Variants in POTEC observed in about 807,000 individuals in gnomAD.
The protein encoded by POTEC is ANKRD26-like family B member 2.
Under a neutral mutation model 62.0 loss-of-function variants are expected in POTEC, and 35 were observed. That is an observed-to-expected ratio of 0.56 (90% CI 0.43 to 0.75). The LOEUF (loss-of-function observed/expected upper bound fraction) is 0.75, where lower values mean the gene tolerates loss of function less well. POTEC is among the 30% of genes least tolerant of loss of function. The probability of loss-of-function intolerance (pLI) is 0.00; values close to 1 mark genes in which losing one functional copy is unlikely to be tolerated. For synonymous variants in POTEC, 156 were observed against 221.5 expected (o/e 0.70, Z 2.62); for missense variants, 472 against 655.9 (o/e 0.72, Z 3.06).
At chr18:14,525,777 G>C (rs1910419388) in intron 6 of POTEC, among the ~76,000 whole-genome samples, 1 of 152,050 alleles carries the variant, frequency 6.6e-6, no homozygotes, top group Non-Finnish European at 1.5e-5. Context: ...CCTGTTTTCT[G>C]CAAAAATAGT....
chr18:14,514,415 C>T (rs1392319416), intron 9 of POTEC, among the ~76,000 whole-genome samples: 1 of 152,128 alleles, frequency 6.6e-6, no homozygotes, highest in Admixed American at 6.5e-5. Context: ...AGGCCAGGGA[C>T]TGGTACTGGT....
chr18:14,543,181 G>A lies in POTEC; in HGVS notation c.-35C>T, dbSNP rs771382695. Reference sequence around the variant, plus strand: ...ACAGCCCGGGGAGGCCGGTAGTAGCGAACAGATCGCGTCTACCAACCAGTT... The same window carrying A: ...ACAGCCCGGGGAGGCCGGTAGTAGCAAACAGATCGCGTCTACCAACCAGTT... On this transcript the variant is annotated 5_prime_UTR_variant, in exon 1 of 11. Coordinates refer to ENST00000358970, the MANE Select transcript of POTEC (RefSeq NM_001137671.2). 204 of 1,613,012 alleles carry A rather than the reference G, an allele frequency of 1.3e-4. No homozygotes were observed. Among genetic ancestry groups the A allele is most frequent in the Non-Finnish European group, 1.6e-4 (190 of 1,179,514 alleles).
At chr18:14,517,242 T>C (rs1294311879) in intron 9 of POTEC, among the ~76,000 whole-genome samples, 1 of 152,184 alleles carries the variant, frequency 6.6e-6, no homozygotes, top group African/African-American at 2.4e-5. Context: ...AAATTTTCAG[T>C]TAAAGTTGAC....
In POTEC at chr18:14,509,551, G is replaced by A. The variant is rs1909942103; in HGVS notation, c.*2347C>T. On this transcript the variant is annotated 3_prime_UTR_variant, in exon 11 of 11. Transcript: ENST00000358970. ...GTGATGTAGGAAGTTTCCATATAAAGGGCTGCAGTATGGAATGGTAATGTG... is the reference window on the plus strand; with the variant it reads ...GTGATGTAGGAAGTTTCCATATAAAAGGCTGCAGTATGGAATGGTAATGTG... 1 of 152,296 alleles carries A rather than the reference G, an allele frequency of 6.6e-6. No homozygotes were observed. Among genetic ancestry groups the A allele is most frequent in the Non-Finnish European group, 1.5e-5 (1 of 68,080 alleles). 9.4% of individuals were successfully genotyped at this position (152,296 alleles called of 1,614,324 possible). A position where few individuals can be genotyped will look rare whatever the true frequency, so the allele number is the denominator to read the frequency against.
intron 9 of POTEC, among the ~76,000 whole-genome samples, chr18:14,517,306 G>A (rs1424161545): frequency 6.6e-6 from 1 of 152,118 alleles, no homozygotes; most frequent in East Asian, 1.9e-4. Context: ...GCCACCCAAA[G>A]CCAGTTTGAA....
At chr18:14,520,055 T>G (rs1310337164) in intron 9 of POTEC, among the ~76,000 whole-genome samples, 1 of 152,088 alleles carries the variant, frequency 6.6e-6, no homozygotes, top group Admixed American at 6.6e-5. Flanking sequence ...TGGCATGAGA[T>G]CAAGAGTGAA....
Position 14,543,066 on chromosome 18 carries a change from C to A in POTEC, c.81G>T (p.Trp27Cys). ...TGCAGCAGGGGAAGCGGTGGTGAAA[C>A]CACTTGCCCATCTTGCTCCTGAGAT... ...PFDLRSKMGK[W>C]FHHRFPCCKG... The change falls in exon 1 of 11, where the codon TGG (tryptophan) becomes TGT (cysteine). Residue 27 changes from tryptophan to cysteine, a missense_variant. By Grantham distance (215) the Trp-to-Cys change is radical. Transcript: ENST00000358970. The A allele has an allele frequency of 1.2e-6, 2 of 1,605,250 alleles. No individual in the cohort carries two copies. Among genetic ancestry groups the A allele is most frequent in the Non-Finnish European group, 1.7e-6 (2 of 1,174,320 alleles).
rs1160549231 is a variant in POTEC, at chr18:14,507,929, A to G, written c.*3969T>C. On this transcript the variant is annotated 3_prime_UTR_variant, in exon 11 of 11. Coordinates refer to ENST00000358970, the MANE Select transcript of POTEC (RefSeq NM_001137671.2). ...TCTGGCTTGTACAGTTTCAGTTGAG[A>G]GGTCTGCTAAGTCTGATGGAATTCC... 1 of 152,174 alleles carries G rather than the reference A, an allele frequency of 6.6e-6. No individual in the cohort carries two copies. The highest frequency in any genetic ancestry group is 1.9e-4 in the East Asian group (1 of 5,188). 9.4% of individuals were successfully genotyped at this position (152,174 alleles called of 1,614,324 possible).
At chr18:14,535,505 C>A (rs765957457) in intron 3 of POTEC, among the ~76,000 whole-genome samples, 2 of 151,936 alleles carry the variant, frequency 1.3e-5, no homozygotes, top group Non-Finnish European at 2.9e-5. Flanking sequence ...ATTTTTCCAA[C>A]ATTTATTCAT....
At chr18:14,516,937 G>T (rs1344027760) in intron 9 of POTEC, among the ~76,000 whole-genome samples, 1 of 151,022 alleles carries the variant, frequency 6.6e-6, no homozygotes, top group Non-Finnish European at 1.5e-5. Flanking sequence ...AGAGAGTAGA[G>T]TATCACTACC....
intron 3 of POTEC, 84 bp from the exon 4 acceptor site, chr18:14,535,091 A>G (rs1423635735): frequency 9.9e-5 from 155 of 1,564,068 alleles, no homozygotes; most frequent in Non-Finnish European, 1.3e-4. Context: ...ATGGACTTAC[A>G]CTCACAGAAA....
intron 3 of POTEC, 143 bp from the exon 4 acceptor site, chr18:14,535,150 A>C (rs1905669977): frequency 8.3e-7 from 1 of 1,208,294 alleles, no homozygotes; most frequent in Non-Finnish European, 1.1e-6. Flanking sequence ...ACTTTCCCAC[A>C]TGCCACTCCT....
intron 6 of POTEC, among the ~76,000 whole-genome samples, chr18:14,525,956 C>T (rs140791883): frequency 0.011 from 1,621 of 151,988 alleles, 21 homozygotes; most frequent in African/African-American, 0.036. Flanking sequence ...GGCTGGAGTG[C>T]GGTGGCACAA....
intron 9 of POTEC, among the ~76,000 whole-genome samples, chr18:14,516,988 C>T (rs1485350857): frequency 6.6e-6 from 1 of 150,650 alleles, no homozygotes; most frequent in African/African-American, 2.5e-5. Context: ...AAATCTCCTA[C>T]TGGAGATTAT....
At chr18:14,527,359 C>T (rs1910464598) in intron 6 of POTEC, among the ~76,000 whole-genome samples, 1 of 152,086 alleles carries the variant, frequency 6.6e-6, no homozygotes, top group Admixed American at 6.6e-5. Flanking sequence ...AAACACAAAG[C>T]ACATTTTGCA....
intron 1 of POTEC, among the ~76,000 whole-genome samples, chr18:14,540,041 C>A (rs1327393494): frequency 6.6e-6 from 1 of 151,998 alleles, no homozygotes; most frequent in African/African-American, 2.4e-5. Context: ...TAGTAACGAT[C>A]ATTTATATTT....
intron 9 of POTEC, among the ~76,000 whole-genome samples, chr18:14,520,753 C>T (rs955830103): frequency 6.6e-6 from 1 of 151,976 alleles, no homozygotes; most frequent in African/African-American, 2.4e-5. Flanking sequence ...AAATCCAGCC[C>T]ACTGCCTGTT....
At chr18:14,527,771 G>GA (rs1363594240) in intron 6 of POTEC, 1 of 151,570 alleles carries the variant, frequency 6.6e-6, no homozygotes, top group African/African-American at 2.4e-5. Context: ...CAAAACAAAT[G>GA]AAAAAAGCAT....
At chr18:14,535,652 T>C (rs568420941) in intron 3 of POTEC, among the ~76,000 whole-genome samples, 1 of 152,076 alleles carries the variant, frequency 6.6e-6, no homozygotes, top group Non-Finnish European at 1.5e-5. Flanking sequence ...CCTGCCATCC[T>C]GATTAAGCCA....
Sources: allele counts gnomAD v4.1 joint callset (sites outside exome capture counted in the v4.1 genomes callset), GRCh38; gene constraint gnomAD v4.1.1; transcripts MANE v1.5; gene names NCBI Gene and HGNC (gene_info 2026-07-23, HGNC 2026-07-21).